GABRR2: variants seen among roughly 807,000 people sequenced by gnomAD.
GABRR2 encodes gamma-aminobutyric acid receptor subunit rho-2.
A neutral mutation model predicts 47.0 loss-of-function variants in GABRR2; 36 were observed. That is an observed-to-expected ratio of 0.77 (90% CI 0.59 to 1.01). The LOEUF is 1.01. Among genes scored for constraint, GABRR2 ranks in the 50% least tolerant of loss-of-function variants. GABRR2 has a pLI of 0.00. For synonymous variants in GABRR2, 204 were observed against 227.5 expected (o/e 0.90, Z 0.93); for missense variants, 587 against 594.6 (o/e 0.99, Z 0.13).
At chr6:89,309,590 T>G (rs10944439) in intron 1 of GABRR2, among the ~76,000 whole-genome samples, 1 of 151,916 alleles carries the variant, frequency 6.6e-6, no homozygotes, top group Non-Finnish European at 1.5e-5. Context: ...TGTTTAAGAC[T>G]TTTTTTAGAG....
intron 2 of GABRR2, among the ~76,000 whole-genome samples, chr6:89,296,909 T>C (rs907433856): frequency 6.6e-6 from 1 of 152,232 alleles, no homozygotes; most frequent in African/African-American, 2.4e-5. Context: ...GTTCTGCCTC[T>C]GGCTGTTCGG....
At chr6:89,307,665 G>A (rs967680152) in intron 1 of GABRR2, among the ~76,000 whole-genome samples, 1 of 152,220 alleles carries the variant, frequency 6.6e-6, no homozygotes, top group Admixed American at 6.5e-5. Flanking sequence ...TAACTCACCT[G>A]CTGAAGAAAC....
chr6:89,276,121 A>G (rs1774155494), intron 2 of GABRR2, among the ~76,000 whole-genome samples: 1 of 147,620 alleles, frequency 6.8e-6, no homozygotes. Flanking sequence ...ATAAATCATT[A>G]TTTATATTAT....
intron 1 of GABRR2, among the ~76,000 whole-genome samples, chr6:89,310,970 T>C (rs1384314182): frequency 6.6e-6 from 1 of 152,190 alleles, no homozygotes; most frequent in East Asian, 1.9e-4. Context: ...CCAATTTAAC[T>C]TCCTCCCCTG....
chr6:89,278,303 G>A (rs1774201521), intron 2 of GABRR2, among the ~76,000 whole-genome samples: 1 of 152,222 alleles, frequency 6.6e-6, no homozygotes, highest in Admixed American at 6.5e-5. Flanking sequence ...CATATGGATA[G>A]GTGATGGGTT....
intron 2 of GABRR2, among the ~76,000 whole-genome samples, chr6:89,277,874 G>C (rs1486285942): frequency 7.3e-6 from 1 of 136,876 alleles, no homozygotes; most frequent in Non-Finnish European, 1.6e-5. Flanking sequence ...GGGGTGGGGG[G>C]GGGTGGGGGC....
chr6:89,301,812 CCAG>C, intron 1 of GABRR2: 1 of 911,314 alleles, frequency 1.1e-6, no homozygotes. Context: ...TTCAGGCCGG[CCAG>C]TGCGGCAACT....
At chr6:89,277,875 G>GGGC (rs1403747175) in intron 2 of GABRR2, among the ~76,000 whole-genome samples, 4 of 134,656 alleles carry the variant, frequency 3.0e-5, no homozygotes, top group South Asian at 2.9e-4. Flanking sequence ...GGGTGGGGGG[G>GGGC]GGTGGGGGCT....
intron 7 of GABRR2, among the ~76,000 whole-genome samples, chr6:89,265,012 G>C (rs1773856909): frequency 6.6e-6 from 1 of 152,128 alleles, no homozygotes; most frequent in Admixed American, 6.5e-5. Flanking sequence ...AGTCGCTGTG[G>C]AAGACTGTGG....
At chr6:89,301,325 T>G (rs1767432668) in intron 1 of GABRR2, among the ~76,000 whole-genome samples, 1 of 151,878 alleles carries the variant, frequency 6.6e-6, no homozygotes, top group Non-Finnish European at 1.5e-5. Flanking sequence ...AAGACAAGGG[T>G]GCCCTCTCTC....
chr6:89,315,238 C>G lies in GABRR2; in HGVS notation c.-73G>C, dbSNP rs766986867. 1 of 1,606,132 alleles carries G rather than the reference C, an allele frequency of 6.2e-7. No individual in the cohort carries two copies. The highest frequency in any genetic ancestry group is 1.1e-5 in the South Asian group (1 of 90,158). On this transcript the variant is annotated 5_prime_UTR_variant, in exon 1 of 9. The change abolishes an upstream ATG in the 5' untranslated region. Transcript: ENST00000402938. ...CAGAGCAAATCCCCCCTGGCTTGACCATTGATCCATCTGCTGCCTCCTGAC... is the reference window on the plus strand; with the variant it reads ...CAGAGCAAATCCCCCCTGGCTTGACGATTGATCCATCTGCTGCCTCCTGAC...
chr6:89,261,438 G>A (rs1019131239), intron 8 of GABRR2, among the ~76,000 whole-genome samples: 2 of 152,192 alleles, frequency 1.3e-5, no homozygotes, highest in Non-Finnish European at 2.9e-5. Flanking sequence ...GGGGACCCCA[G>A]AGAAACCTTA....
At chr6:89,266,121 G>A (rs1047685934) in intron 6 of GABRR2, among the ~76,000 whole-genome samples, 1 of 152,166 alleles carries the variant, frequency 6.6e-6, no homozygotes, top group Non-Finnish European at 1.5e-5. Context: ...GGAGTACAGT[G>A]GCACACTCAC....
intron 2 of GABRR2, among the ~76,000 whole-genome samples, chr6:89,294,814 T>C (rs1774529080): frequency 8.9e-6 from 1 of 112,104 alleles, no homozygotes; most frequent in South Asian, 3.0e-4. Context: ...CAACAGGCCC[T>C]GGTGTGTGAT....
intron 8 of GABRR2, among the ~76,000 whole-genome samples, chr6:89,263,674 C>T (rs552803858): frequency 6.6e-6 from 1 of 152,172 alleles, no homozygotes; most frequent in Non-Finnish European, 1.5e-5. Flanking sequence ...AGGCGTGCAC[C>T]ACCATGCTCG....
At chr6:89,311,668 T>C (rs527525043) in intron 1 of GABRR2, among the ~76,000 whole-genome samples, 3 of 152,274 alleles carry the variant, frequency 2.0e-5, no homozygotes, top group South Asian at 2.1e-4. Context: ...TTGTGGTTTT[T>C]TGGCAATAAC....
chr6:89,285,587 C>A (rs2127841800), intron 2 of GABRR2, among the ~76,000 whole-genome samples: 2 of 152,248 alleles, frequency 1.3e-5, no homozygotes, highest in Admixed American at 6.5e-5. Flanking sequence ...CGCTCCTCCC[C>A]AGGCCTGATG....
chr6:89,275,223 C>A (rs1290380655), intron 2 of GABRR2, among the ~76,000 whole-genome samples: 1 of 152,174 alleles, frequency 6.6e-6, no homozygotes, highest in East Asian at 1.9e-4. Context: ...AAGTAATTCA[C>A]ACTAACATTT....
At chr6:89,304,668 G>A (rs1232207409) in intron 1 of GABRR2, among the ~76,000 whole-genome samples, 1 of 151,326 alleles carries the variant, frequency 6.6e-6, no homozygotes, top group Non-Finnish European at 1.5e-5. Flanking sequence ...CATACACTCA[G>A]CCAAAAAACA....
Sources: allele counts gnomAD v4.1 joint callset (sites outside exome capture counted in the v4.1 genomes callset), GRCh38; gene constraint gnomAD v4.1.1; transcripts MANE v1.5; gene names NCBI Gene and HGNC (gene_info 2026-07-23, HGNC 2026-07-21).